The following ARL2BP variants were observed in gnomAD, a reference collection of about 807,000 sequenced individuals.
ARL2BP encodes the protein ADP-ribosylation factor-like protein 2-binding protein.
In ARL2BP, 19 loss-of-function variants were observed where a neutral mutation model predicts 24.2. That is an observed-to-expected ratio of 0.79 (90% CI 0.55 to 1.15). The LOEUF (loss-of-function observed/expected upper bound fraction) is 1.15, where lower values mean the gene tolerates loss of function less well. Ranked by LOEUF, ARL2BP falls within the 50% of genes most tolerant of loss-of-function variation. The pLI, the probability that ARL2BP is intolerant of heterozygous loss-of-function variation, is 0.00. For missense variants in ARL2BP, 160 were observed against 190.4 expected (o/e 0.84, Z 0.94); for synonymous variants, 56 against 70.5 (o/e 0.79, Z 1.03).
At position 57,246,176 on chromosome 16, in the gene ARL2BP, T is replaced by C. The variant is rs749196911; in HGVS notation, c.100+35T>C. On this transcript the variant is annotated intron_variant, in intron 2 of 5. Coordinates refer to ENST00000219204, the MANE Select transcript of ARL2BP (RefSeq NM_012106.4). ...TAAGATACTGTTTTTAAGGACTTGC[T>C]TGTTTCTTTAAGGACATTGAAATCA... is the stretch of plus-strand genomic sequence containing the variant. 2.7e-5 allele frequency: 43 copies of C among 1,586,944 alleles called. No homozygotes were observed. The Middle Eastern group carries it at 1.0e-3, about 37-fold the overall frequency.
chr16:57,251,640 T>G (rs1305643484), intron 5 of ARL2BP: 1 of 144,756 alleles, frequency 6.9e-6, no homozygotes, highest in Non-Finnish European at 1.5e-5. Context: ...TGAAGGGAGG[T>G]ACATTTTAAG....
intron 1 of ARL2BP, 85 bp downstream of exon 1, chr16:57,245,490 T>G (rs2075387211): frequency 2.6e-6 from 4 of 1,533,540 alleles, no homozygotes; most frequent in Non-Finnish European, 3.5e-6. Context: ...AAAACAGGTG[T>G]CCTTAGGGGC....
At chr16:57,250,781 A>T (rs76407028) in intron 5 of ARL2BP, 26,118 of 335,400 alleles carry the variant, frequency 0.078, 1,138 homozygotes, top group East Asian at 0.2. Flanking sequence ...TCTTTTATTT[A>T]TTTTTTTTTT....
At chr16:57,249,957 G>A (rs773707418) in intron 4 of ARL2BP, 105 bp downstream of exon 4, 116 of 1,060,648 alleles carry the variant, frequency 1.1e-4, no homozygotes, top group Non-Finnish European at 1.6e-4. Flanking sequence ...TGTGCATGCC[G>A]TTGGTGGTTA....
chr16:57,250,044 A>G (rs1267852075), intron 4 of ARL2BP, 192 bp downstream of exon 4: 1 of 619,552 alleles, frequency 1.6e-6, no homozygotes, highest in East Asian at 2.8e-5. Flanking sequence ...TTGTGTTCTC[A>G]GTGCTTTGGG....
chr16:57,248,252 G>T (rs1251974959), intron 2 of ARL2BP: 6 of 171,662 alleles, frequency 3.5e-5, no homozygotes, highest in Middle Eastern at 2.4e-3. Context: ...GGTGGAGGTT[G>T]CAGTGAACCG....
rs894569070 is a variant in ARL2BP, at chr16:57,250,500, A to G, written c.383A>G (p.Tyr128Cys). 1.9e-6 allele frequency: 3 copies of G among 1,613,778 alleles called. No individual in the cohort carries two copies. The highest frequency in any genetic ancestry group is 2.5e-6 in the Non-Finnish European group (3 of 1,179,636). Residue 128 changes from tyrosine (Y) to cysteine (C), a missense_variant, in exon 5 of 6, where the codon TAC (tyrosine) becomes TGC (cysteine). Coordinates refer to ENST00000219204, the MANE Select transcript of ARL2BP (RefSeq NM_012106.4). ...GCTTTTAAAGAAATGTTTTTGGACT[A>G]CAGAGCAGTAAGTTACTACTCCTAT... is the stretch of plus-strand genomic sequence containing the variant. ...FLAFKEMFLD[Y>C]RAEKEGRGLD...
In ARL2BP at chr16:57,250,111, T is replaced by C. The variant is rs7206477; in HGVS notation, c.293+259T>C. ...GAGTTCAAGACCAGCCTGGGTGACATAGTGAGGCCCCGACCCTACAAAAAA... is the reference window on the plus strand; with the variant it reads ...GAGTTCAAGACCAGCCTGGGTGACACAGTGAGGCCCCGACCCTACAAAAAA... On this transcript the variant is annotated intron_variant, in intron 4 of 5. Coordinates refer to ENST00000219204, the MANE Select transcript of ARL2BP (RefSeq NM_012106.4). The C allele has an allele frequency of 1.2e-3, 702 of 591,762 alleles. 1 individual carries two copies. The highest frequency in any genetic ancestry group is 0.012 in the African/African-American group (631 of 53,638). The allele number at this position is 591,762 out of a possible 1,614,324, so 36.7% of individuals were successfully genotyped here. A position where few individuals can be genotyped will look rare whatever the true frequency, so the allele number is the denominator to read the frequency against.
At chr16:57,249,173 C>T (rs2046532) in intron 3 of ARL2BP, 41,304 of 153,016 alleles carry the variant, frequency 0.27, 6,712 homozygotes, top group East Asian at 0.39. Flanking sequence ...ATATGCATGA[C>T]TATTAAGTAA....
intron 5 of ARL2BP, chr16:57,250,787 T>C (rs948852580): frequency 2.6e-6 from 1 of 381,500 alleles, no homozygotes; most frequent in Non-Finnish European, 4.7e-6. Context: ...ATTTATTTTT[T>C]TTTTTGAGAC....
chr16:57,246,023 A>C (rs1244485954), intron 1 of ARL2BP, 57 bp from the exon 2 acceptor site: 18 of 1,578,196 alleles, frequency 1.1e-5, no homozygotes, highest in Non-Finnish European at 1.6e-5. Context: ...GTCCATACTA[A>C]AAACATTTTT....
chr16:57,250,559 CA>C, intron 5 of ARL2BP, 52 bp downstream of exon 5: 2 of 1,483,866 alleles, frequency 1.3e-6, no homozygotes, highest in Non-Finnish European at 1.9e-6. Context: ...TAGAAAATTC[CA>C]GGTAGAAATA....
At chr16:57,248,273 A>T (rs2075396255) in intron 2 of ARL2BP, 1 of 194,568 alleles carries the variant, frequency 5.1e-6, no homozygotes, top group South Asian at 1.2e-4. Context: ...AGATCGCACC[A>T]TTGCACTCCA....
Position 57,249,849 on chromosome 16 carries a change from T to C in ARL2BP, c.290T>C (p.Leu97Ser), listed in dbSNP as rs1439416014. 6.2e-7 allele frequency: 1 copy of C among 1,613,820 alleles called. No individual in the cohort carries two copies. Among genetic ancestry groups the C allele is most frequent in the Non-Finnish European group, 8.5e-7 (1 of 1,179,658 alleles). ...EFNMAAFTTT[L>S]QHHKDEVAGD... ...AACATGGCAGCCTTCACCACAACATTACAGTGAGTTGAGCTTGACTGATTT... is the reference window on the plus strand; with the variant it reads ...AACATGGCAGCCTTCACCACAACATCACAGTGAGTTGAGCTTGACTGATTT... The change falls in exon 4 of 6, where the codon TTA (leucine) becomes TCA (serine). Residue 97 changes from leucine (L) to serine (S), a missense_variant. Transcript: ENST00000219204.
intron 2 of ARL2BP, 136 bp from the exon 3 acceptor site, chr16:57,248,401 C>G (rs1230241053): frequency 6.4e-6 from 3 of 470,834 alleles, no homozygotes; most frequent in East Asian, 6.7e-5. Context: ...TTTAATACCC[C>G]CTTAAAACAT....
At chr16:57,247,145 C>A (rs1433231738) in intron 2 of ARL2BP, among the ~76,000 whole-genome samples, 1 of 152,120 alleles carries the variant, frequency 6.6e-6, no homozygotes, top group Non-Finnish European at 1.5e-5. Context: ...AGTTTTTATA[C>A]CTTCAGGTAT....
At chr16:57,248,311 CAAA>C (rs1161528446) in intron 2 of ARL2BP, 248 of 49,208 alleles carry the variant, frequency 5.0e-3, no homozygotes, top group South Asian at 0.011. Context: ...AACTCCAGCT[CAAA>C]AAAAAAAAAA....
At chr16:57,248,665 C>A in intron 3 of ARL2BP, 22 bp downstream of exon 3, 1 of 1,403,626 alleles carries the variant, frequency 7.1e-7, no homozygotes, top group Non-Finnish European at 9.7e-7. Context: ...TCTATGTCTC[C>A]TACCAGGAGG....
At chr16:57,245,855 A>C (rs932264023) in intron 1 of ARL2BP, 15 of 585,868 alleles carry the variant, frequency 2.6e-5, no homozygotes, top group Non-Finnish European at 3.9e-5. Flanking sequence ...GTTTTTATTA[A>C]AGTGGAGTCA....
Sources: gnomAD v4.1 joint callset for allele counts (sites outside exome capture counted in the v4.1 genomes callset) on GRCh38, gnomAD v4.1.1 for gene constraint, MANE v1.5 for transcripts, NCBI Gene and HGNC (gene_info 2026-07-23, HGNC 2026-07-21) for gene names.